Variants in KHDRBS3 observed in about 807,000 individuals in gnomAD.
KHDRBS3 encodes KH RNA binding domain containing, signal transduction associated 3.
KHDRBS3 carries 23 observed loss-of-function variants against 45.6 expected under a neutral mutation model. The ratio of observed to expected loss-of-function variants is 0.50; its 90% CI spans 0.36 to 0.72. The LOEUF is 0.72. Among genes scored for constraint, KHDRBS3 ranks in the 30% least tolerant of loss-of-function variants. KHDRBS3 has a pLI of 0.00. For synonymous variants in KHDRBS3, 162 were observed against 156.5 expected, an observed-to-expected ratio of 1.04 and a Z score of -0.26; for missense variants, 352 against 424.8, an observed-to-expected ratio of 0.83 and a Z score of 1.51.
intron 5 of KHDRBS3, among the ~76,000 whole-genome samples, chr8:135,570,384 T>C (rs1434825389): frequency 6.6e-6 from 1 of 152,192 alleles, no homozygotes; most frequent in African/African-American, 2.4e-5. Flanking sequence ...TTTCCTTCTA[T>C]AGTGTATGAA....
intron 7 of KHDRBS3, among the ~76,000 whole-genome samples, chr8:135,633,877 G>A (rs910149252): frequency 1.3e-5 from 2 of 152,176 alleles, no homozygotes; most frequent in African/African-American, 4.8e-5. Context: ...ATTGACACAT[G>A]ATCATCACTC....
intron 1 of KHDRBS3, among the ~76,000 whole-genome samples, chr8:135,466,173 T>C (rs552232442): frequency 2.0e-5 from 3 of 152,330 alleles, no homozygotes; most frequent in African/African-American, 7.2e-5. Context: ...ATATTATTGA[T>C]CTCTTAAGAG....
rs1371138338 is a variant in KHDRBS3 at position 135,457,840 on chromosome 8, A to G, written c.-27A>G. On this transcript the variant is annotated 5_prime_UTR_variant, in exon 1 of 9. Coordinates refer to ENST00000355849, the MANE Select transcript of KHDRBS3 (RefSeq NM_006558.3). The surrounding 1 kb of genome is among the most constrained non-coding windows in gnomAD (Gnocchi z 4.4). ...GCCGCCCCCCGTGCGCCTGGAGTCC[A>G]CATCCCGGGCCCGGCGGCCGGCGAG... The G allele has an allele frequency of 2.6e-6, 4 of 1,523,556 alleles. No individual in the cohort carries two copies. Among genetic ancestry groups the G allele is most frequent in the Non-Finnish European group, 3.5e-6 (4 of 1,130,616 alleles). The allele number at this position is 1,523,556 out of a possible 1,614,324, so 94.4% of individuals were successfully genotyped here. A position where few individuals can be genotyped will look rare whatever the true frequency, so the allele number is the denominator to read the frequency against.
chr8:135,643,806 G>C (rs1184106471), intron 7 of KHDRBS3, among the ~76,000 whole-genome samples: 1 of 152,346 alleles, frequency 6.6e-6, no homozygotes, highest in East Asian at 1.9e-4. Context: ...CTGGTCTGCA[G>C]TATCCTTATC....
At chr8:135,583,333 C>T (rs1382335896) in intron 6 of KHDRBS3, among the ~76,000 whole-genome samples, 3 of 152,332 alleles carry the variant, frequency 2.0e-5, no homozygotes, top group Non-Finnish European at 4.4e-5. Context: ...TGTGTTTCCT[C>T]TCTTTGAATT....
At chr8:135,481,038 G>A (rs1822539097) in intron 1 of KHDRBS3, among the ~76,000 whole-genome samples, 1 of 151,886 alleles carries the variant, frequency 6.6e-6, no homozygotes, top group Admixed American at 6.6e-5. Flanking sequence ...AGTGCAACAA[G>A]CAAATCCAAT....
chr8:135,645,159 T>G (rs1267757454), intron 8 of KHDRBS3, 42 bp downstream of exon 8: 13 of 1,599,836 alleles, frequency 8.1e-6, no homozygotes, highest in Non-Finnish European at 1.1e-5. Context: ...GGAGGAGAGA[T>G]GGCCGTAGAA....
chr8:135,509,562 C>T (rs181953626), intron 1 of KHDRBS3, among the ~76,000 whole-genome samples: 36 of 152,256 alleles, frequency 2.4e-4, no homozygotes, highest in Non-Finnish European at 3.5e-4. Flanking sequence ...ATGAAATTTA[C>T]GCATGTATTT....
intron 1 of KHDRBS3, among the ~76,000 whole-genome samples, chr8:135,489,227 G>A (rs1411319648): frequency 6.6e-6 from 1 of 152,028 alleles, no homozygotes; most frequent in East Asian, 1.9e-4. Context: ...TAAACCCCAA[G>A]AGGACAGTGC....
Position 135,551,468 on chromosome 8 carries a change from G to A in KHDRBS3, c.471+2568G>A, listed in dbSNP as rs72732362. 5.9e-3 allele frequency among the ~76,000 whole-genome samples: 894 copies of A among 152,196 alleles called. 7 individuals are homozygous for A. The highest frequency in any genetic ancestry group is 1.0e-2 in the Non-Finnish European group (679 of 67,976). Reference sequence around the variant, plus strand: ...TTATCATGAATAAATGTATAAACATGGGTATTGAATTTTGCAAATCTTTTT... The same window carrying A: ...TTATCATGAATAAATGTATAAACATAGGTATTGAATTTTGCAAATCTTTTT... On this transcript the variant is annotated intron_variant, in intron 4 of 8. Transcript: ENST00000355849.
At chr8:135,549,037 C>G in intron 4 of KHDRBS3, 137 bp downstream of exon 4, 1 of 466,662 alleles carries the variant, frequency 2.1e-6, no homozygotes, top group African/African-American at 2.0e-5. Flanking sequence ...TCAAGTAGAC[C>G]TTACATTGTC....
At chr8:135,584,438 A>C (rs2130934715) in intron 6 of KHDRBS3, among the ~76,000 whole-genome samples, 1 of 152,332 alleles carries the variant, frequency 6.6e-6, no homozygotes, top group South Asian at 2.1e-4. Context: ...CCCGAGTTGA[A>C]TTATCATCAT....
At chr8:135,612,176 A>T (rs1008271007) in intron 7 of KHDRBS3, among the ~76,000 whole-genome samples, 2 of 151,834 alleles carry the variant, frequency 1.3e-5, no homozygotes, top group African/African-American at 4.9e-5. Context: ...TACTGTCTCC[A>T]TTGCCTTTCA....
intron 2 of KHDRBS3, among the ~76,000 whole-genome samples, chr8:135,532,673 A>C (rs1563748248): frequency 1.3e-5 from 2 of 152,202 alleles, no homozygotes; most frequent in Non-Finnish European, 2.9e-5. Flanking sequence ...TGACGTGAAA[A>C]AAAATGGAAG....
At chr8:135,630,134 T>TA (rs1026512161) in intron 7 of KHDRBS3, among the ~76,000 whole-genome samples, 1 of 152,186 alleles carries the variant, frequency 6.6e-6, no homozygotes, top group African/African-American at 2.4e-5. Flanking sequence ...CTGGAACAAG[T>TA]AATTGCCTAT....
intron 7 of KHDRBS3, among the ~76,000 whole-genome samples, chr8:135,623,625 G>GAA (rs1830240970): frequency 6.7e-6 from 1 of 149,866 alleles, no homozygotes; most frequent in Non-Finnish European, 1.5e-5. Flanking sequence ...GTTTAAAGTA[G>GAA]AAAAAACCCT....
chr8:135,642,565 A>G (rs536953971), intron 7 of KHDRBS3, among the ~76,000 whole-genome samples: 2 of 152,290 alleles, frequency 1.3e-5, no homozygotes, highest in East Asian at 3.9e-4. Context: ...GCTACTTGGT[A>G]TATTAGGTCA....
chr8:135,627,815 A>G (rs761046557), intron 7 of KHDRBS3, among the ~76,000 whole-genome samples: 1 of 152,094 alleles, frequency 6.6e-6, no homozygotes, highest in South Asian at 2.1e-4. Flanking sequence ...TCTGAATTAC[A>G]TGGCTTTTTT....
At chr8:135,635,078 A>G (rs969388912) in intron 7 of KHDRBS3, among the ~76,000 whole-genome samples, 2 of 152,254 alleles carry the variant, frequency 1.3e-5, no homozygotes, top group Non-Finnish European at 2.9e-5. Flanking sequence ...GTTTATATAT[A>G]TTAATATTTA....
Sources: allele counts gnomAD v4.1 joint callset (sites outside exome capture counted in the v4.1 genomes callset), GRCh38; gene constraint gnomAD v4.1.1; non-coding constraint Gnocchi (gnomAD v3.1); transcripts MANE v1.5; gene names NCBI Gene and HGNC (gene_info 2026-07-23, HGNC 2026-07-21).